Variants in TMCO2 observed in about 807,000 individuals in gnomAD.
TMCO2 encodes the protein transmembrane and coiled-coil domains 2.
TMCO2 carries 15 observed loss-of-function variants against 18.0 expected under a neutral mutation model. The ratio of observed to expected loss-of-function variants is 0.84; its 90% CI spans 0.56 to 1.29. TMCO2 has a LOEUF of 1.29. TMCO2 is among the 50% of genes most tolerant of loss of function. The pLI, the probability that TMCO2 is intolerant of heterozygous loss-of-function variation, is 0.00. For synonymous variants in TMCO2, 79 were observed against 75.9 expected (o/e 1.04, Z -0.21); for missense variants, 182 against 200.9 (o/e 0.91, Z 0.57).
chr1:40,249,794 C>A (rs1039324891), intron 1 of TMCO2, among the ~76,000 whole-genome samples: 1 of 151,838 alleles, frequency 6.6e-6, no homozygotes, highest in Non-Finnish European at 1.5e-5. Flanking sequence ...CTGCCTCACC[C>A]TCCCGAGTAG....
At chr1:40,251,136 CAA>C (rs59384076) in intron 1 of TMCO2, 145 bp from the exon 2 acceptor site, 6,128 of 411,884 alleles carry the variant, frequency 0.015, no homozygotes, top group Middle Eastern at 0.024. Flanking sequence ...AACTCCATCT[CAA>C]AAAAAAAAAA....
intron 1 of TMCO2, among the ~76,000 whole-genome samples, chr1:40,249,894 C>T (rs1273872196): frequency 6.6e-6 from 1 of 152,038 alleles, no homozygotes; most frequent in Non-Finnish European, 1.5e-5. Context: ...AGGCTGGTCT[C>T]GAACTCCTGA....
rs1320062427 is a variant in TMCO2 at position 40,248,232 on chromosome 1, T to C, written c.237+2T>C. 6.2e-7 allele frequency: 1 copy of C among 1,601,892 alleles called. No homozygotes were observed. The highest frequency in any genetic ancestry group is 8.5e-7 in the Non-Finnish European group (1 of 1,169,850). On this transcript the variant is annotated splice_donor_variant, in intron 1 of 1. Transcript: ENST00000372766. LOFTEE classifies it high-confidence loss of function. ...AAACGAAGTATTCAGTCAATTCAGG[T>C]TATACTCTTTTGTTACAAACATTTA...
At chr1:40,249,784 C>T (rs1181490814) in intron 1 of TMCO2, among the ~76,000 whole-genome samples, 1 of 151,886 alleles carries the variant, frequency 6.6e-6, no homozygotes, top group Non-Finnish European at 1.5e-5. Flanking sequence ...AGCAATTCTC[C>T]TGCCTCACCC....
At chr1:40,248,320 A>C (rs1643355018) in intron 1 of TMCO2, 90 bp downstream of exon 1, 3 of 1,150,468 alleles carry the variant, frequency 2.6e-6, no homozygotes, top group Admixed American at 2.1e-5. Flanking sequence ...TTTTAAGATC[A>C]TGCAGATGTG....
intron 1 of TMCO2, among the ~76,000 whole-genome samples, chr1:40,248,591 A>G (rs1418784023): frequency 1.3e-5 from 2 of 152,230 alleles, no homozygotes; most frequent in Admixed American, 6.5e-5. Context: ...GGCCTTTCTT[A>G]CTATGCCATT....
chr1:40,250,019 C>T (rs188515293), intron 1 of TMCO2, among the ~76,000 whole-genome samples: 6 of 151,472 alleles, frequency 4.0e-5, no homozygotes, highest in African/African-American at 1.5e-4. Flanking sequence ...GTTTTAGAGA[C>T]AGTGTCTTGC....
chr1:40,249,691 G>C (rs1230634704), intron 1 of TMCO2, among the ~76,000 whole-genome samples: 1 of 151,276 alleles, frequency 6.6e-6, no homozygotes, highest in Admixed American at 6.6e-5. Context: ...TATTTATTTT[G>C]AGATGAAGTC....
Position 40,251,443 on chromosome 1 carries a change from T to G in TMCO2, c.398T>G (p.Leu133Arg). Reference sequence around the variant, plus strand: ...CTGCAAGAGAAAATTTTGAAAAAACTTAAGACAGTGGAAAACAAAATGAAG... The same window carrying G: ...CTGCAAGAGAAAATTTTGAAAAAACGTAAGACAGTGGAAAACAAAATGAAG... ...LGLQEKILKK[L>R]KTVENKMKNL... is the part of the protein sequence containing the mutation. The change falls in exon 2 of 2, where the codon CTT becomes CGT. Residue 133 changes from leucine to arginine, a missense_variant. Transcript: ENST00000372766. 6.2e-7 allele frequency: 1 copy of G among 1,613,726 alleles called. No individual in the cohort carries two copies.
At chr1:40,251,177 T>G in intron 1 of TMCO2, 106 bp from the exon 2 acceptor site, 7 of 997,958 alleles carry the variant, frequency 7.0e-6, no homozygotes, top group East Asian at 2.7e-5. Flanking sequence ...GGGAGACTTG[T>G]TATTGGAATG....
At chr1:40,250,949 A>T (rs554355602) in intron 1 of TMCO2, among the ~76,000 whole-genome samples, 3 of 152,158 alleles carry the variant, frequency 2.0e-5, no homozygotes, top group South Asian at 2.1e-4. Context: ...CATCCTGGCT[A>T]ACACGGTGAA....
rs771237058 is a variant in TMCO2 at position 40,251,550 on chromosome 1, T to C, written c.505T>C (p.Cys169Arg). 6.2e-7 allele frequency: 1 copy of C among 1,612,570 alleles called. No homozygotes were observed. Among genetic ancestry groups the C allele is most frequent in the South Asian group, 1.1e-5 (1 of 90,624 alleles). The change falls in exon 2 of 2, where the codon TGC becomes CGC. Residue 169 changes from cysteine (C) to arginine (R), a missense_variant. Physicochemically the swap from Cys to Arg is radical, Grantham distance 180. Coordinates refer to ENST00000372766, the MANE Select transcript of TMCO2 (RefSeq NM_001008740.4). Reference sequence around the variant, plus strand: ...TGAGCCCTACTGCAGCTGCTCTGACTGCCAGAGTCCCTTGTCCACATCAGG... The same window carrying C: ...TGAGCCCTACTGCAGCTGCTCTGACCGCCAGAGTCCCTTGTCCACATCAGG... Reference protein sequence around the residue: ...SSEPYCSCSDCQSPLSTSGFT... With the variant: ...SSEPYCSCSDRQSPLSTSGFT...
At chr1:40,248,875 C>G (rs1286252307) in intron 1 of TMCO2, among the ~76,000 whole-genome samples, 1 of 152,190 alleles carries the variant, frequency 6.6e-6, no homozygotes, top group Non-Finnish European at 1.5e-5. Context: ...AACTGAGGTG[C>G]ACTGAGGTTC....
Position 40,248,139 on chromosome 1 carries a change from C to T in TMCO2, c.146C>T (p.Pro49Leu), listed in dbSNP as rs773255539. ...TSLGLLDNLA[P>L]AVQIILRISF... ...TTGGGACTATTAGATAATCTTGCTCCAGCTGTGCAAATCATCTTGAGGATT... is the reference window on the plus strand; with the variant it reads ...TTGGGACTATTAGATAATCTTGCTCTAGCTGTGCAAATCATCTTGAGGATT... The change falls in exon 1 of 2, where the codon CCA becomes CTA. Residue 49 changes from proline (P) to leucine (L), a missense_variant. Transcript: ENST00000372766. 1 of 1,614,120 alleles carries T rather than the reference C, an allele frequency of 6.2e-7. No homozygotes were observed. Among genetic ancestry groups the T allele is most frequent in the Non-Finnish European group, 8.5e-7 (1 of 1,180,024 alleles).
At chr1:40,250,318 A>AAAAAAAAAT (rs1553178359) in intron 1 of TMCO2, among the ~76,000 whole-genome samples, 1 of 145,762 alleles carries the variant, frequency 6.9e-6, no homozygotes, top group African/African-American at 2.6e-5. Flanking sequence ...ATATAAATAA[A>AAAAAAAAAT]ATATATATAT....
rs773952225 is a variant in TMCO2, at chr1:40,251,287, CATT to C, written c.243_245del (p.Leu83del). ...ACTTCTGTTGTTCCATTTTAGAAAA[CATT>C]GTTGTTTGTAATCACACTCTACAAA... On this transcript the variant is annotated inframe_deletion, in exon 2 of 2. Coordinates refer to ENST00000372766, the MANE Select transcript of TMCO2 (RefSeq NM_001008740.4). 1.1e-4 allele frequency: 179 copies of C among 1,607,906 alleles called. No homozygotes were observed. The highest frequency in any genetic ancestry group is 3.6e-4 in the African/African-American group (27 of 74,340).
intron 1 of TMCO2, among the ~76,000 whole-genome samples, chr1:40,249,592 T>G (rs1420146361): frequency 1.3e-5 from 2 of 151,494 alleles, no homozygotes; most frequent in African/African-American, 4.8e-5. Context: ...AAAAAAGTGG[T>G]GCTAGTTGTT....
At position 40,251,328 on chromosome 1, in the gene TMCO2, G is replaced by T. The variant is rs202156736; in HGVS notation, c.283G>T (p.Gly95Cys). 2.2e-5 allele frequency: 35 copies of T among 1,613,106 alleles called. No homozygotes were observed. The Admixed American group carries it at 5.0e-4, about 23-fold the overall frequency. The change falls in exon 2 of 2, where the codon GGC becomes TGC. Residue 95 changes from glycine to cysteine, a missense_variant. Coordinates refer to ENST00000372766, the MANE Select transcript of TMCO2 (RefSeq NM_001008740.4). ...CACACTCTACAAACTTTACAAGAAG[G>T]GCTCACATATTTTTGAGGCTTTGCT... ...VITLYKLYKKGSHIFEALLAN... is the reference protein window; with the variant it reads ...VITLYKLYKKCSHIFEALLAN...
chr1:40,251,606 C>G lies in TMCO2; in HGVS notation c.*12C>G. The G allele has an allele frequency of 6.3e-7, 1 of 1,590,628 alleles. No homozygotes were observed. The highest frequency in any genetic ancestry group is 1.2e-5 in the South Asian group (1 of 86,292). On this transcript the variant is annotated 3_prime_UTR_variant, in exon 2 of 2. Coordinates refer to ENST00000372766, the MANE Select transcript of TMCO2 (RefSeq NM_001008740.4). ...CTTCCCCCATTTGAAATGTGATGGA[C>G]TCCAATCTTTTCCAGGAAAGCACTG...
Sources: allele counts gnomAD v4.1 joint callset (sites outside exome capture counted in the v4.1 genomes callset), GRCh38; gene constraint gnomAD v4.1.1; transcripts MANE v1.5; gene names NCBI Gene and HGNC (gene_info 2026-07-23, HGNC 2026-07-21).